Variants in ATP6V0A4 observed in about 807,000 individuals in gnomAD.
ATP6V0A4 encodes ATPase H+ transporting V0 subunit a4, also known as V-type proton ATPase 116 kDa subunit a 4.
Under a neutral mutation model 107.3 loss-of-function variants are expected in ATP6V0A4, and 86 were observed. The observed-to-expected ratio is 0.80, with a 90% CI of 0.67 to 0.96. The LOEUF (loss-of-function observed/expected upper bound fraction) is 0.96. Among genes scored for constraint, ATP6V0A4 ranks in the 40% least tolerant of loss-of-function variants. The pLI, the probability that ATP6V0A4 is intolerant of heterozygous loss-of-function variation, is 0.00. For synonymous variants in ATP6V0A4, 353 were observed against 381.4 expected (o/e 0.93, Z 0.87); for missense variants, 908 against 1,045.6 (o/e 0.87, Z 1.81).
chr7:138,727,099 TGA>T (rs1307007034), intron 18 of ATP6V0A4, among the ~76,000 whole-genome samples: 3 of 116,658 alleles, frequency 2.6e-5, no homozygotes, highest in Non-Finnish European at 5.0e-5. Context: ...GGCAGCATAG[TGA>T]GAGCTCATCT....
Position 138,706,768 on chromosome 7 carries a change from C to T in ATP6V0A4, c.2430-51G>A, listed in dbSNP as rs558827285. On this transcript the variant is annotated intron_variant, in intron 21 of 21. Transcript: ENST00000310018. ...TAAGAAATGGGAGATTGAAACACAT[C>T]AGTTAGAGGCTGGAAGGTGGAGGGA... 19 of 1,606,168 alleles carry T rather than the reference C, an allele frequency of 1.2e-5. No homozygotes were observed. The South Asian group carries it at 1.9e-4, about 16-fold the overall frequency.
chr7:138,723,751 C>G (rs983332964), intron 18 of ATP6V0A4, among the ~76,000 whole-genome samples: 2 of 151,720 alleles, frequency 1.3e-5, no homozygotes, highest in African/African-American at 4.8e-5. Flanking sequence ...ATCTCGAACT[C>G]CTGACCTCAG....
At chr7:138,766,602 C>A (rs976753720) in intron 5 of ATP6V0A4, among the ~76,000 whole-genome samples, 2 of 151,882 alleles carry the variant, frequency 1.3e-5, no homozygotes, top group Non-Finnish European at 2.9e-5. Flanking sequence ...AAATTTCCCC[C>A]AAAAATAAAA....
rs1309163938 is a variant in ATP6V0A4 at position 138,749,180 on chromosome 7, C to T, written c.1167G>A (p.Arg389=). ...TCAGATCTTTACCTGGGTTTATCTC[C>T]CGGTAGCTGCCGACACCATAGGCAT... ...IVDAYGVGSY[R]EINPAPYTII... The change falls in exon 12 of 22, where the codon CGG becomes CGA. Residue 389 remains arginine, a synonymous_variant. Coordinates refer to ENST00000310018, the MANE Select transcript of ATP6V0A4 (RefSeq NM_020632.3). 6.2e-7 allele frequency: 1 copy of T among 1,613,954 alleles called. No homozygotes were observed. Among genetic ancestry groups the T allele is most frequent in the Non-Finnish European group, 8.5e-7 (1 of 1,180,028 alleles).
intron 2 of ATP6V0A4, among the ~76,000 whole-genome samples, chr7:138,783,430 A>C (rs1584950169): frequency 6.6e-6 from 1 of 152,098 alleles, no homozygotes; most frequent in Admixed American, 6.6e-5. Context: ...TTTTTAATTA[A>C]AAATTTTAAA....
In ATP6V0A4 at chr7:138,771,191, C is replaced by T. The variant is rs1441793708; in HGVS notation, c.57G>A (p.Val19=). The change falls in exon 3 of 22, where the codon GTG becomes GTA. Residue 19 remains valine, a synonymous_variant. Coordinates refer to ENST00000310018, the MANE Select transcript of ATP6V0A4 (RefSeq NM_020632.3). ...EMCLSQLFLQ[V]EAAYCCVAEL... is the part of the protein sequence containing the mutation. ...CAGCCACACAGCAATATGCAGCTTC[C>T]ACCTGGAGAAACAGTTGTGACAAAC... 6.2e-7 allele frequency: 1 copy of T among 1,614,184 alleles called. No homozygotes were observed. The highest frequency in any genetic ancestry group is 8.5e-7 in the Non-Finnish European group (1 of 1,180,024).
intron 2 of ATP6V0A4, among the ~76,000 whole-genome samples, chr7:138,785,487 G>A (rs1808138279): frequency 6.6e-6 from 1 of 151,912 alleles, no homozygotes; most frequent in Non-Finnish European, 1.5e-5. Context: ...ATGTTGGCCA[G>A]GCTGGTCTTG....
At chr7:138,723,042 A>C (rs1477987398) in intron 18 of ATP6V0A4, among the ~76,000 whole-genome samples, 1 of 129,838 alleles carries the variant, frequency 7.7e-6, no homozygotes, top group African/African-American at 3.1e-5. Context: ...TGGGGGACAG[A>C]GTGAGACTGT....
intron 5 of ATP6V0A4, among the ~76,000 whole-genome samples, 160 bp downstream of exon 5, chr7:138,768,620 T>C (rs1212527866): frequency 1.3e-5 from 2 of 152,126 alleles, no homozygotes; most frequent in African/African-American, 2.4e-5. Context: ...CACTGGGATT[T>C]TCCTGGGGCT....
At chr7:138,779,467 C>A (rs1368677400) in intron 2 of ATP6V0A4, among the ~76,000 whole-genome samples, 2 of 152,164 alleles carry the variant, frequency 1.3e-5, no homozygotes, top group Non-Finnish European at 2.9e-5. Context: ...AGAAATACCC[C>A]CACAGGTACA....
At position 138,715,820 on chromosome 7, in the gene ATP6V0A4, C is replaced by T; in HGVS notation, c.2201G>A (p.Cys734Tyr). Residue 734 changes from cysteine (C) to tyrosine (Y), a missense_variant, in exon 20 of 22, where the codon TGC becomes TAC. Transcript: ENST00000310018. ...CAGGTAGGAGGCTGTGTTTGAAATG[C>T]AGCCCAGGCAGTACTCGATGGTGTG... Reference protein sequence around the residue: ...AIHTIEYCLGCISNTASYLRL... With the variant: ...AIHTIEYCLGYISNTASYLRL... 2 of 1,613,774 alleles carry T rather than the reference C, an allele frequency of 1.2e-6. No individual in the cohort carries two copies. The highest frequency in any genetic ancestry group is 1.7e-6 in the Non-Finnish European group (2 of 1,179,840).
chr7:138,784,323 T>TA (rs1491339515), intron 2 of ATP6V0A4, among the ~76,000 whole-genome samples: 2 of 112,196 alleles, frequency 1.8e-5, no homozygotes, highest in African/African-American at 9.6e-5. Flanking sequence ...TATATATGTA[T>TA]TTTTTTTTTT....
intron 2 of ATP6V0A4, among the ~76,000 whole-genome samples, chr7:138,782,854 C>T (rs565656947): frequency 3.3e-5 from 5 of 152,150 alleles, no homozygotes; most frequent in East Asian, 1.9e-4. Flanking sequence ...GCAGTTGGAT[C>T]GCCTGAGGTC....
At chr7:138,757,515 C>CA (rs11442674) in intron 8 of ATP6V0A4, among the ~76,000 whole-genome samples, 28 of 150,328 alleles carry the variant, frequency 1.9e-4, no homozygotes, top group Middle Eastern at 3.4e-3. Context: ...GACCCTGTCT[C>CA]AAAAAAAAAC....
At chr7:138,750,325 A>G (rs954718931) in intron 11 of ATP6V0A4, among the ~76,000 whole-genome samples, 3 of 151,652 alleles carry the variant, frequency 2.0e-5, no homozygotes, top group African/African-American at 7.3e-5. Flanking sequence ...ATCATAGCTC[A>G]CTACAGCCTC....
rs1317407862 is a variant in ATP6V0A4, at chr7:138,752,777, G to C, written c.877C>G (p.His293Asp). ...TTCTGCACCTTGATGAGCCAGGAGT[G>C]CCAGTTGGCAGCGGCTTCCTGCAGC... Reference protein sequence around the residue: ...RLLQEAAANWHSWLIKVQKMK... With the variant: ...RLLQEAAANWDSWLIKVQKMK... Residue 293 changes from histidine (H) to aspartate (D), a missense_variant, in exon 11 of 22, where the codon CAC (histidine) becomes GAC (aspartate). Physicochemically the swap from His to Asp is moderately conservative, Grantham distance 81. Coordinates refer to ENST00000310018, the MANE Select transcript of ATP6V0A4 (RefSeq NM_020632.3). The C allele has an allele frequency of 9.3e-6, 15 of 1,614,224 alleles. 1 individual carries two copies. Among genetic ancestry groups the C allele is most frequent in the Middle Eastern group, 3.3e-4 (2 of 6,062 alleles).
At chr7:138,724,080 C>T (rs1418357766) in intron 18 of ATP6V0A4, among the ~76,000 whole-genome samples, 2 of 146,522 alleles carry the variant, frequency 1.4e-5, no homozygotes, top group Non-Finnish European at 3.0e-5. Context: ...GTCCCAACTA[C>T]ATAGGAGGCT....
At chr7:138,716,574 T>TGG (rs139301235) in intron 19 of ATP6V0A4, among the ~76,000 whole-genome samples, 3 of 94,782 alleles carry the variant, frequency 3.2e-5, no homozygotes, top group African/African-American at 1.1e-4. Context: ...CAATTTTTTT[T>TGG]TGGGGGGGGG....
intron 16 of ATP6V0A4, 50 bp from the exon 17 acceptor site, chr7:138,733,143 T>G: frequency 1.9e-6 from 3 of 1,611,598 alleles, no homozygotes; most frequent in Non-Finnish European, 2.5e-6. Context: ...CAAGGGAACG[T>G]TAGGACTTAA....
Sources: gnomAD v4.1 joint callset for allele counts (sites outside exome capture counted in the v4.1 genomes callset) on GRCh38, gnomAD v4.1.1 for gene constraint, MANE v1.5 for transcripts, NCBI Gene and HGNC (gene_info 2026-07-23, HGNC 2026-07-21) for gene names.